The following CCDC159 variants were observed in gnomAD, a reference collection of about 807,000 sequenced individuals.
CCDC159 encodes coiled-coil domain containing 159.
A neutral mutation model predicts 50.9 loss-of-function variants in CCDC159; 40 were observed. That is an observed-to-expected ratio of 0.79 (90% CI 0.61 to 1.02). The LOEUF (loss-of-function observed/expected upper bound fraction) is 1.02. Ranked by LOEUF, CCDC159 falls within the 50% of genes least tolerant of loss-of-function variation. CCDC159 has a pLI of 0.00. For missense variants in CCDC159, 356 were observed against 371.5 expected (o/e 0.96, Z 0.34); for synonymous variants, 146 against 138.9 (o/e 1.05, Z -0.36).
chr19:11,354,828 T>G, intron 10 of CCDC159, 45 bp from the exon 11 acceptor site: 1 of 1,611,992 alleles, frequency 6.2e-7, no homozygotes. Flanking sequence ...AGCCCCGGAG[T>G]CCCCTGGACC....
chr19:11,350,606 C>T lies in CCDC159; in HGVS notation c.227-202C>T, dbSNP rs548552768. The stretch of plus-strand genomic sequence containing the variant: ...CAGAGGTTGCAGTGAGCCGAGATCA[C>T]GCCACTGCACTCCAGCCTGGGCAAC... On this transcript the variant is annotated intron_variant, in intron 4 of 10. Transcript: ENST00000458408. 2.2e-3 allele frequency among the ~76,000 whole-genome samples: 337 copies of T among 152,230 alleles called. 5 individuals carry two copies. Among genetic ancestry groups the T allele is most frequent in the Non-Finnish European group, 6.2e-4 (42 of 68,022 alleles).
chr19:11,353,688 C>T (rs997427493), intron 8 of CCDC159, 104 bp from the exon 9 acceptor site: 13 of 1,556,336 alleles, frequency 8.4e-6, no homozygotes, highest in Non-Finnish European at 1.0e-5. Context: ...TCCCTCACCC[C>T]CTAGGACTCA....
intron 8 of CCDC159, 21 bp downstream of exon 8, chr19:11,353,593 T>C: frequency 6.2e-7 from 1 of 1,607,096 alleles, no homozygotes; most frequent in Non-Finnish European, 8.5e-7. Context: ...GCCTGCAGTC[T>C]GACCCCTGAC....
intron 7 of CCDC159, 66 bp downstream of exon 7, chr19:11,352,199 C>A: frequency 6.6e-7 from 1 of 1,512,540 alleles, no homozygotes. Context: ...TTTGGCCAGC[C>A]TCCACCATGA....
rs773732356 is a variant in CCDC159 at position 11,354,883 on chromosome 19, C to T, written c.*6C>T. Reference sequence around the variant, plus strand: ...CCTCTCTCTCCACAGCTTGAGCAGCCGGGACTGCTCTCCCTGAAGACCCCT... The same window carrying T: ...CCTCTCTCTCCACAGCTTGAGCAGCTGGGACTGCTCTCCCTGAAGACCCCT... On this transcript the variant is annotated 3_prime_UTR_variant, in exon 11 of 11. Transcript: ENST00000458408. The T allele has an allele frequency of 8.7e-6, 14 of 1,613,396 alleles. No individual in the cohort carries two copies. In the African/African-American group the frequency reaches 1.2e-4, roughly 14 times the overall value.
chr19:11,350,495 A>G (rs1967511086), intron 4 of CCDC159, among the ~76,000 whole-genome samples: 1 of 152,096 alleles, frequency 6.6e-6, no homozygotes, highest in Non-Finnish European at 1.5e-5. Flanking sequence ...TCTACTAACA[A>G]TACAAAAATT....
chr19:11,352,750 G>C (rs1040423034), intron 7 of CCDC159, among the ~76,000 whole-genome samples: 2 of 152,002 alleles, frequency 1.3e-5, no homozygotes, highest in Non-Finnish European at 2.9e-5. Context: ...AGGCAACATG[G>C]CAAAACCCTG....
At chr19:11,353,683 C>T (rs1967710892) in intron 8 of CCDC159, 109 bp from the exon 9 acceptor site, 6 of 1,559,152 alleles carry the variant, frequency 3.8e-6, no homozygotes, top group Non-Finnish European at 2.6e-6. Context: ...AGACTTCCCT[C>T]ACCCCCTAGG....
chr19:11,352,922 C>A (rs1967661518), intron 7 of CCDC159, among the ~76,000 whole-genome samples: 1 of 151,900 alleles, frequency 6.6e-6, no homozygotes, highest in Non-Finnish European at 1.5e-5. Context: ...CAGACTGAGA[C>A]CCTGTCTCAA....
chr19:11,348,893 C>G (rs769624274), intron 1 of CCDC159: 4 of 1,070,522 alleles, frequency 3.7e-6, no homozygotes, highest in Non-Finnish European at 5.2e-6. Context: ...TCCCATAGGG[C>G]TGGGGACACT....
At chr19:11,353,687 C>G (rs1412205128) in intron 8 of CCDC159, 105 bp from the exon 9 acceptor site, 1 of 1,553,582 alleles carries the variant, frequency 6.4e-7, no homozygotes, top group Non-Finnish European at 8.8e-7. Flanking sequence ...TTCCCTCACC[C>G]CCTAGGACTC....
chr19:11,353,567 T>C lies in CCDC159; in HGVS notation c.684T>C (p.Asp228=), dbSNP rs201038124. The C allele has an allele frequency of 1.9e-6, 3 of 1,612,750 alleles. No homozygotes were observed. The highest frequency in any genetic ancestry group is 1.7e-6 in the Non-Finnish European group (2 of 1,178,962). Residue 228 remains aspartate (D), a synonymous_variant, in exon 8 of 11, where the codon GAT becomes GAC. Coordinates refer to ENST00000458408, the MANE Select transcript of CCDC159 (RefSeq NM_001080503.3). Reference sequence around the variant, plus strand: ...ATGACCTCCAGAAGGAACTGAGTGATATATGGTGATGCCCAGCCTGCAGTC... The same window carrying C: ...ATGACCTCCAGAAGGAACTGAGTGACATATGGTGATGCCCAGCCTGCAGTC... ...WKDDLQKELS[D]IWSAVHVLQN...
chr19:11,350,668 C>A, intron 4 of CCDC159, 140 bp from the exon 5 acceptor site: 1 of 785,704 alleles, frequency 1.3e-6, no homozygotes, highest in Non-Finnish European at 2.0e-6. Flanking sequence ...AAAAGTCAGG[C>A]TGGAAGCTGG....
chr19:11,353,613 A>T, intron 8 of CCDC159, 41 bp downstream of exon 8: 1 of 1,604,946 alleles, frequency 6.2e-7, no homozygotes, highest in Non-Finnish European at 8.5e-7. Flanking sequence ...CCCTCCTCTG[A>T]ACCCGTTCCC....
chr19:11,349,496 A>T, intron 1 of CCDC159, 158 bp from the exon 2 acceptor site: 1 of 862,826 alleles, frequency 1.2e-6, no homozygotes, highest in Non-Finnish European at 1.8e-6. Context: ...GGGGAGGTGC[A>T]TGAATATGCC....
Position 11,350,997 on chromosome 19 carries a change from G to A in CCDC159, c.416G>A (p.Arg139Gln), listed in dbSNP as rs1166372752. 23 of 1,548,476 alleles carry A rather than the reference G, an allele frequency of 1.5e-5. 1 individual carries two copies. Among genetic ancestry groups the A allele is most frequent in the South Asian group, 6.0e-5 (5 of 83,644 alleles). The change falls in exon 5 of 11, where the codon CGG becomes CAG. Residue 139 changes from arginine to glutamine, a missense_variant. Transcript: ENST00000458408. The part of the protein sequence containing the change: ...RCLQLLAQEI[R>Q]DSKKFLWEEL... Reference sequence around the variant, plus strand: ...CTGCAGCTGCTGGCCCAGGAGATCCGGGACAGGTCGGGGATGGCGGGAGGG... The same window carrying A: ...CTGCAGCTGCTGGCCCAGGAGATCCAGGACAGGTCGGGGATGGCGGGAGGG...
chr19:11,348,868 G>C (rs1967413119), intron 1 of CCDC159: 2 of 726,788 alleles, frequency 2.8e-6, no homozygotes, highest in South Asian at 2.6e-5. Flanking sequence ...CAAGTACTGG[G>C]GTTAGTTAGG....
Position 11,350,972 on chromosome 19 carries a change from C to T in CCDC159, c.391C>T (p.Leu131=). The T allele has an allele frequency of 6.4e-7, 1 of 1,553,088 alleles. No homozygotes were observed. Among genetic ancestry groups the T allele is most frequent in the Non-Finnish European group, 8.7e-7 (1 of 1,148,282 alleles). ...EMQRARTTRC[L]QLLAQEIRDS... The stretch of plus-strand genomic sequence containing the variant: ...GCAGCGGGCCCGCACCACTCGCTGC[C>T]TGCAGCTGCTGGCCCAGGAGATCCG... Residue 131 remains leucine (L), a synonymous_variant, in exon 5 of 11, where the codon CTG becomes TTG. Transcript: ENST00000458408.
Position 11,349,558 on chromosome 19 carries a change from G to T in CCDC159, c.22-96G>T, listed in dbSNP as rs931016307. 7.2e-6 allele frequency: 11 copies of T among 1,529,738 alleles called. No homozygotes were observed. The African/African-American group carries it at 1.5e-4, about 21-fold the overall frequency. The allele number at this position is 1,529,738 out of a possible 1,614,324, so 94.8% of individuals were successfully genotyped here. A position where few individuals can be genotyped will look rare whatever the true frequency, so the allele number is the denominator to read the frequency against. Reference sequence around the variant, plus strand: ...GGTTTGGGACACCTAGAACTGAGGAGATCCAACTCTTGTCCAGCCCTCAAA... The same window carrying T: ...GGTTTGGGACACCTAGAACTGAGGATATCCAACTCTTGTCCAGCCCTCAAA... On this transcript the variant is annotated intron_variant, in intron 1 of 10. Coordinates refer to ENST00000458408, the MANE Select transcript of CCDC159 (RefSeq NM_001080503.3).
Sources: gnomAD v4.1 joint callset for allele counts (sites outside exome capture counted in the v4.1 genomes callset) on GRCh38, gnomAD v4.1.1 for gene constraint, MANE v1.5 for transcripts, NCBI Gene and HGNC (gene_info 2026-07-23, HGNC 2026-07-21) for gene names.